DPP9: variants seen among roughly 807,000 people sequenced by gnomAD.
DPP9 encodes the protein dipeptidyl peptidase IV-related protein-2.
Under a neutral mutation model 110.7 loss-of-function variants are expected in DPP9, and 50 were observed. The ratio of observed to expected loss-of-function variants is 0.45; its 90% CI spans 0.36 to 0.57. The LOEUF is 0.57. DPP9 is among the 20% of genes least tolerant of loss of function. DPP9 has a pLI of 0.00. For synonymous variants in DPP9, 561 were observed against 514.4 expected, an observed-to-expected ratio of 1.09 and a Z score of -1.23; for missense variants, 1,022 against 1,217.9, an observed-to-expected ratio of 0.84 and a Z score of 2.39.
intron 3 of DPP9, chr19:4,715,564 G>A (rs1024061620): frequency 5.9e-5 from 9 of 152,022 alleles, no homozygotes; most frequent in African/African-American, 2.2e-4. Flanking sequence ...GGCATTCCAC[G>A]GAGCACTGTG....
chr19:4,684,053 A>C lies in DPP9; in HGVS notation c.2179-424T>G. 2.7e-6 allele frequency: 1 copy of C among 364,802 alleles called. No homozygotes were observed. 22.6% of individuals were successfully genotyped at this position (364,802 alleles called of 1,614,324 possible). On this transcript the variant is annotated intron_variant, in intron 18 of 21. Coordinates refer to ENST00000262960, the MANE Select transcript of DPP9 (RefSeq NM_139159.5). This position sits in a 1 kb window ranked among gnomAD's most constrained non-coding sequence, Gnocchi z 4.8. ...CACCACCGCCACTGCCACGATTTCA[A>C]TGCTGGTGTCCCCTCTGAAGTCCGT... is the stretch of plus-strand genomic sequence containing the variant.
Position 4,689,567 on chromosome 19 carries a change from C to T in DPP9, c.1749+3G>A. On this transcript the variant is annotated splice_donor_region_variant and intron_variant, in intron 15 of 21. Coordinates refer to ENST00000262960, the MANE Select transcript of DPP9 (RefSeq NM_139159.5). The surrounding 1 kb of genome is among the most constrained non-coding windows in gnomAD (Gnocchi z 7.0). ...GCGGTGCCGTGAGGCTGGGCGGTCC[C>T]ACCTGGCTCATGGAGCAGCTATGGG... The T allele has an allele frequency of 6.4e-7, 1 of 1,557,504 alleles. No individual in the cohort carries two copies. Among genetic ancestry groups the T allele is most frequent in the Non-Finnish European group, 8.7e-7 (1 of 1,154,316 alleles).
chr19:4,721,764 C>T (rs772680250), intron 2 of DPP9, among the ~76,000 whole-genome samples: 12 of 152,076 alleles, frequency 7.9e-5, no homozygotes, highest in Admixed American at 6.6e-5. Context: ...GGTGACAGAG[C>T]GAGGTTCTGT....
intron 4 of DPP9, among the ~76,000 whole-genome samples, chr19:4,713,179 A>G (rs1032733548): frequency 1.1e-4 from 16 of 152,206 alleles, no homozygotes; most frequent in East Asian, 5.8e-4. Context: ...TCTGGCCCCA[A>G]TGTCCATGGT....
intron 2 of DPP9, among the ~76,000 whole-genome samples, chr19:4,721,687 A>G (rs1012018808): frequency 2.6e-5 from 4 of 152,210 alleles, no homozygotes; most frequent in Non-Finnish European, 2.9e-5. Context: ...AGGCTGAGAC[A>G]GAAGAATTGC....
At position 4,694,684 on chromosome 19, in the gene DPP9, C is replaced by T. The variant is rs2091637235; in HGVS notation, c.1493G>A (p.Ser498Asn). Residue 498 changes from serine to asparagine, a missense_variant, in exon 13 of 22, where the codon AGT becomes AAT. Coordinates refer to ENST00000262960, the MANE Select transcript of DPP9 (RefSeq NM_139159.5). This position sits in a 1 kb window ranked among gnomAD's most constrained non-coding sequence, Gnocchi z 4.0. ...ACCTTCCCCGGGGCTGAAGGGCTCA[C>T]TCCAATCGTAGCCCTGGGATTTTAA... ...AVLKSQGYDW[S>N]EPFSPGEDEF... 3 of 1,612,304 alleles carry T rather than the reference C, an allele frequency of 1.9e-6. No individual in the cohort carries two copies. Among genetic ancestry groups the T allele is most frequent in the East Asian group, 2.2e-5 (1 of 44,868 alleles).
At chr19:4,701,023 C>A (rs991008504) in intron 9 of DPP9, among the ~76,000 whole-genome samples, 3 of 152,184 alleles carry the variant, frequency 2.0e-5, no homozygotes, top group Non-Finnish European at 4.4e-5. Context: ...TCTAGCACGG[C>A]ACAGAGCAGG....
Position 4,675,665 on chromosome 19 carries a change from C to G in DPP9, c.*899G>C, listed in dbSNP as rs1016041519. The G allele has an allele frequency of 2.6e-5, 4 of 152,314 alleles. No individual in the cohort carries two copies. The highest frequency in any genetic ancestry group is 9.6e-5 in the African/African-American group (4 of 41,478). The allele number at this position is 152,314 out of a possible 1,614,324, so 9.4% of individuals were successfully genotyped here. On this transcript the variant is annotated 3_prime_UTR_variant, in exon 22 of 22. Transcript: ENST00000262960. ...TCTCCTGTGGGGCCCGCATGACCCT[C>G]TGCTCGGGCTTGGGAAGAAATGGAG...
In DPP9 at chr19:4,679,050, T is replaced by C. The variant is rs1259262972; in HGVS notation, c.2586+785A>G. ...GGCCCCACCCCTCTATAGCAGAAGC[T>C]CCACCCTGCTTACTGAGGGCCCCCC... On this transcript the variant is annotated intron_variant, in intron 21 of 21. Coordinates refer to ENST00000262960, the MANE Select transcript of DPP9 (RefSeq NM_139159.5). Among the ~76,000 whole-genome samples, 8 of 79,694 alleles carry C rather than the reference T, an allele frequency of 1.0e-4. No individual in the cohort carries two copies. In the East Asian group the frequency reaches 2.6e-3, roughly 26 times the overall value. 52.3% of individuals were successfully genotyped at this position (79,694 alleles called of 152,430 possible).
rs1221769272 is a variant in DPP9 at position 4,682,945 on chromosome 19, G to T, written c.2332-107C>A. Reference sequence around the variant, plus strand: ...CCCGGGGCCGCCCTGGAGCCCGTGAGGAGCGCTCATGCACATGGGGCCGGC... The same window carrying T: ...CCCGGGGCCGCCCTGGAGCCCGTGATGAGCGCTCATGCACATGGGGCCGGC... On this transcript the variant is annotated intron_variant, in intron 19 of 21. Transcript: ENST00000262960. This position sits in a 1 kb window ranked among gnomAD's most constrained non-coding sequence, Gnocchi z 7.1. 1 of 1,534,996 alleles carries T rather than the reference G, an allele frequency of 6.5e-7. No individual in the cohort carries two copies. Among genetic ancestry groups the T allele is most frequent in the South Asian group, 1.2e-5 (1 of 83,528 alleles).
intron 20 of DPP9, among the ~76,000 whole-genome samples, chr19:4,681,454 T>TTACAG (rs2089864949): frequency 6.6e-6 from 1 of 152,028 alleles, no homozygotes; most frequent in Admixed American, 6.6e-5. Context: ...GTAGCCGGGA[T>TTACAG]TACAGGTGTG....
chr19:4,720,247 G>A (rs1331871326), intron 2 of DPP9, among the ~76,000 whole-genome samples: 1 of 152,206 alleles, frequency 6.6e-6, no homozygotes, highest in African/African-American at 2.4e-5. Flanking sequence ...GGAAATAGAA[G>A]AATCCCAAAT....
In DPP9 at chr19:4,697,630, C is replaced by A; in HGVS notation, c.1096G>T (p.Glu366Ter). 6.2e-7 allele frequency: 1 copy of A among 1,613,882 alleles called. No homozygotes were observed. The highest frequency in any genetic ancestry group is 8.5e-7 in the Non-Finnish European group (1 of 1,179,850). The change falls in exon 11 of 22, where the codon GAG (glutamate) becomes TAG (stop). Residue 366 changes from glutamate (E) to a stop codon, truncating the protein, a stop_gained. Transcript: ENST00000262960. LOFTEE classifies it high-confidence loss of function. ...AGCGAGCTGAAGGGCTGCACCAGCT[C>A]CTTCTCCTGGGTCGAGACGATCTGA... is the stretch of plus-strand genomic sequence containing the variant. ...QGKIVSTQEK[E>*]LVQPFSSLFP...
chr19:4,689,663 C>A lies in DPP9; in HGVS notation c.1656G>T (p.Leu552=). The change falls in exon 15 of 22, where the codon CTG becomes CTT. Residue 552 remains leucine (L), a synonymous_variant. Coordinates refer to ENST00000262960, the MANE Select transcript of DPP9 (RefSeq NM_139159.5). The surrounding 1 kb of genome is among the most constrained non-coding windows in gnomAD (Gnocchi z 7.0). ...AGCTGACCACGTAGAGGTGGTGCTC[C>A]AGCGGCGTGTCCTTGGTGCCCTGGA... The part of the protein sequence containing the change: ...VYFQGTKDTP[L]EHHLYVVSYE... The A allele has an allele frequency of 6.4e-7, 1 of 1,563,340 alleles. No individual in the cohort carries two copies. Among genetic ancestry groups the A allele is most frequent in the Admixed American group, 1.9e-5 (1 of 52,752 alleles).
intron 9 of DPP9, among the ~76,000 whole-genome samples, chr19:4,701,638 A>G (rs1446479353): frequency 1.3e-5 from 2 of 152,260 alleles, no homozygotes; most frequent in Admixed American, 6.5e-5. Context: ...ATGTATCTCA[A>G]GGTGAATTAT....
chr19:4,681,110 A>G (rs1453669794), intron 20 of DPP9, among the ~76,000 whole-genome samples: 1 of 152,172 alleles, frequency 6.6e-6, no homozygotes, highest in East Asian at 1.9e-4. Context: ...GTCGCCGTTG[A>G]AATTCCAGTT....
chr19:4,718,992 C>T lies in DPP9; in HGVS notation c.56+859G>A, dbSNP rs2093199826. Among the ~76,000 whole-genome samples, 1 of 152,062 alleles carries T rather than the reference C, an allele frequency of 6.6e-6. No homozygotes were observed. ...GGGGGGTGCGTGTCTAACCACATTC[C>T]ATCCACACCTGATTTTAGGGCACTT... On this transcript the variant is annotated intron_variant, in intron 3 of 21. Transcript: ENST00000262960. This position sits in a 1 kb window ranked among gnomAD's most constrained non-coding sequence, Gnocchi z 4.3.
chr19:4,697,951 C>T (rs780002395), intron 10 of DPP9, among the ~76,000 whole-genome samples: 8 of 152,292 alleles, frequency 5.3e-5, no homozygotes, highest in Admixed American at 2.0e-4. Flanking sequence ...CAGGAAGCAA[C>T]GGCCACCAAG....
chr19:4,706,075 T>G, intron 4 of DPP9, 105 bp from the exon 5 acceptor site: 1 of 1,021,750 alleles, frequency 9.8e-7, no homozygotes, highest in Non-Finnish European at 1.4e-6. Context: ...TTCTAGAACA[T>G]TCTGCCAGGC....
Sources: allele counts gnomAD v4.1 joint callset (sites outside exome capture counted in the v4.1 genomes callset), GRCh38; gene constraint gnomAD v4.1.1; non-coding constraint Gnocchi (gnomAD v3.1); transcripts MANE v1.5; gene names NCBI Gene and HGNC (gene_info 2026-07-23, HGNC 2026-07-21).